Variants in ZFR observed in about 807,000 individuals in gnomAD.
ZFR encodes zinc finger RNA-binding protein.
In ZFR, 19 loss-of-function variants were observed where a neutral mutation model predicts 130.7. That is an observed-to-expected ratio of 0.15 (90% CI 0.10 to 0.21). ZFR has a LOEUF of 0.21. Among genes scored for constraint, ZFR ranks in the 10% least tolerant of loss-of-function variants. The pLI is 1.00. For synonymous variants in ZFR, 466 were observed against 456.9 expected, an observed-to-expected ratio of 1.02 and a Z score of -0.25; for missense variants, 872 against 1,321.5, an observed-to-expected ratio of 0.66 and a Z score of 5.27.
At chr5:32,371,360 A>C (rs1193171123) in intron 17 of ZFR, among the ~76,000 whole-genome samples, 1 of 152,190 alleles carries the variant, frequency 6.6e-6, no homozygotes, top group Non-Finnish European at 1.5e-5. Context: ...ACAGAGCAGG[A>C]CCCTGTCTCA....
At chr5:32,388,732 A>G (rs1753095093) in intron 12 of ZFR, 58 bp from the exon 13 acceptor site, 2 of 1,413,384 alleles carry the variant, frequency 1.4e-6, no homozygotes, top group South Asian at 1.3e-5. Flanking sequence ...AAAGCAAATT[A>G]TATTTTTCAA....
intron 19 of ZFR, among the ~76,000 whole-genome samples, chr5:32,361,336 G>A (rs1752426547): frequency 6.6e-6 from 1 of 152,146 alleles, no homozygotes; most frequent in Non-Finnish European, 1.5e-5. Context: ...ACTTGATACA[G>A]CATTCTACTT....
At chr5:32,442,948 G>A (rs972744125) in intron 2 of ZFR, among the ~76,000 whole-genome samples, 4 of 143,254 alleles carry the variant, frequency 2.8e-5, no homozygotes, top group Non-Finnish European at 6.0e-5. Context: ...GCTCATGCCG[G>A]TAATCCTAGC....
At chr5:32,434,503 T>C (rs1328062676) in intron 2 of ZFR, among the ~76,000 whole-genome samples, 1 of 152,254 alleles carries the variant, frequency 6.6e-6, no homozygotes, top group Non-Finnish European at 1.5e-5. Context: ...GTGTCTCTAC[T>C]TTCTTTTCTA....
At chr5:32,390,696 T>C (rs1753148984) in intron 11 of ZFR, among the ~76,000 whole-genome samples, 1 of 152,208 alleles carries the variant, frequency 6.6e-6, no homozygotes, top group Non-Finnish European at 1.5e-5. Context: ...CTTACCTCTC[T>C]CCTGCTTTAA....
At chr5:32,382,195 C>T (rs576263039) in intron 15 of ZFR, among the ~76,000 whole-genome samples, 1 of 152,054 alleles carries the variant, frequency 6.6e-6, no homozygotes, top group African/African-American at 2.4e-5. Flanking sequence ...CCCAGCTCCT[C>T]AGCTACTTGG....
Position 32,407,026 on chromosome 5 carries a change from C to T in ZFR, c.785-5G>A. 6.8e-7 allele frequency: 1 copy of T among 1,462,026 alleles called. No homozygotes were observed. Among genetic ancestry groups the T allele is most frequent in the Non-Finnish European group, 9.0e-7 (1 of 1,105,376 alleles). 90.6% of individuals were successfully genotyped at this position (1,462,026 alleles called of 1,614,324 possible). On this transcript the variant is annotated splice_polypyrimidine_tract_variant and splice_region_variant and intron_variant, in intron 5 of 19. Transcript: ENST00000265069. ...CATAACCTGAATAAGACGTACCTTA[C>T]AAATAAAAATCAAACAAAAATTATG...
At chr5:32,379,094 A>C in intron 17 of ZFR, 21 bp downstream of exon 17, 1 of 1,562,822 alleles carries the variant, frequency 6.4e-7, no homozygotes, top group Non-Finnish European at 8.8e-7. Flanking sequence ...TTTTTACACC[A>C]TACAGTTACG....
At chr5:32,437,662 T>C (rs1334561646) in intron 2 of ZFR, among the ~76,000 whole-genome samples, 2 of 152,200 alleles carry the variant, frequency 1.3e-5, no homozygotes, top group Non-Finnish European at 2.9e-5. Context: ...GTCTTCTGAT[T>C]AACCTGATGA....
chr5:32,370,486 C>A, intron 17 of ZFR, among the ~76,000 whole-genome samples: 1 of 152,042 alleles, frequency 6.6e-6, no homozygotes, highest in East Asian at 1.9e-4. Context: ...GATTCTCTGA[C>A]CTCAGCCTCC....
intron 9 of ZFR, among the ~76,000 whole-genome samples, chr5:32,398,804 G>A (rs907984816): frequency 4.0e-5 from 6 of 151,616 alleles, no homozygotes; most frequent in Admixed American, 2.0e-4. Flanking sequence ...GTGCCTCAGC[G>A]TCCCGAGTAG....
intron 2 of ZFR, among the ~76,000 whole-genome samples, chr5:32,425,406 A>C (rs772158835): frequency 5.2e-5 from 3 of 57,458 alleles, no homozygotes; most frequent in Non-Finnish European, 6.5e-5. Flanking sequence ...TGCAAAAGCA[A>C]ATTTTAGAAT....
intron 11 of ZFR, 26 bp from the exon 12 acceptor site, chr5:32,390,463 A>C: frequency 1.9e-6 from 3 of 1,595,558 alleles, no homozygotes; most frequent in Non-Finnish European, 1.7e-6. Context: ...TGACATTATA[A>C]GCATATGAGG....
At chr5:32,398,457 G>C (rs1753369121) in intron 9 of ZFR, among the ~76,000 whole-genome samples, 1 of 152,106 alleles carries the variant, frequency 6.6e-6, no homozygotes, top group Non-Finnish European at 1.5e-5. Flanking sequence ...AGTTCAAATT[G>C]TCCAAGCTTT....
Position 32,357,504 on chromosome 5 carries a change from G to A in ZFR, c.3046-1565C>T, listed in dbSNP as rs1820175. Among the ~76,000 whole-genome samples the A allele has an allele frequency of 7.8e-3, 1,193 of 152,290 alleles. 16 individuals are homozygous for A. The highest frequency in any genetic ancestry group is 0.027 in the African/African-American group (1,128 of 41,564). ...TGGTCTTGAACTCCTGACCTCCGGA[G>A]ATCTGCCTGCCTTGGCCTCCCGAAG... On this transcript the variant is annotated intron_variant, in intron 19 of 19. Coordinates refer to ENST00000265069, the MANE Select transcript of ZFR (RefSeq NM_016107.5).
chr5:32,444,150 G>A (rs1754544180), intron 2 of ZFR, 79 bp downstream of exon 2: 4 of 1,495,130 alleles, frequency 2.7e-6, no homozygotes, highest in Admixed American at 1.9e-5. Context: ...CTGGGGACGG[G>A]CGCGGGGGCG....
intron 11 of ZFR, among the ~76,000 whole-genome samples, chr5:32,391,691 A>G (rs1048848182): frequency 6.6e-6 from 1 of 152,114 alleles, no homozygotes; most frequent in Admixed American, 6.5e-5. Flanking sequence ...CTGTTAACAT[A>G]TAAGAAAGAA....
intron 17 of ZFR, among the ~76,000 whole-genome samples, chr5:32,377,049 C>G (rs1454244348): frequency 6.8e-6 from 1 of 146,830 alleles, no homozygotes; most frequent in Admixed American, 6.8e-5. Flanking sequence ...CCCAGCTACT[C>G]GGAGGCTGAG....
At chr5:32,378,303 T>G (rs1257887443) in intron 17 of ZFR, among the ~76,000 whole-genome samples, 1 of 152,216 alleles carries the variant, frequency 6.6e-6, no homozygotes, top group Non-Finnish European at 1.5e-5. Context: ...ATAGAAAGAA[T>G]GCAGATGTGA....
Sources: allele counts gnomAD v4.1 joint callset (sites outside exome capture counted in the v4.1 genomes callset), GRCh38; gene constraint gnomAD v4.1.1; transcripts MANE v1.5; gene names NCBI Gene and HGNC (gene_info 2026-07-23, HGNC 2026-07-21).